Variants in OVCH2 observed in about 807,000 individuals in gnomAD.
OVCH2 encodes ovochymase 2, also known as ovochymase-2.
A neutral mutation model predicts 73.7 loss-of-function variants in OVCH2; 88 were observed. The observed-to-expected ratio is 1.19, with a 90% CI of 1.01 to 1.43. OVCH2 has a LOEUF of 1.43. Ranked by LOEUF, OVCH2 falls within the 40% of genes most tolerant of loss-of-function variation. The pLI, the probability that OVCH2 is intolerant of heterozygous loss-of-function variation, is 0.00. For missense variants in OVCH2, 706 were observed against 674.5 expected, an observed-to-expected ratio of 1.05 and a Z score of -0.52; for synonymous variants, 265 against 234.5, an observed-to-expected ratio of 1.13 and a Z score of -1.19.
intron 4 of OVCH2, 73 bp downstream of exon 4, chr11:7,702,084 A>C: frequency 8.9e-6 from 12 of 1,346,416 alleles, no homozygotes; most frequent in Non-Finnish European, 1.2e-5. Context: ...CGTATACTGC[A>C]GGAAATGTGC....
At chr11:7,704,434 C>A in intron 2 of OVCH2, 131 bp downstream of exon 2, 1 of 588,674 alleles carries the variant, frequency 1.7e-6, no homozygotes, top group South Asian at 2.5e-5. Flanking sequence ...TCATCACATG[C>A]CATGATGACT....
At chr11:7,690,804 G>C (rs2136150116) in intron 14 of OVCH2, among the ~76,000 whole-genome samples, 1 of 151,540 alleles carries the variant, frequency 6.6e-6, no homozygotes, top group East Asian at 1.9e-4. Context: ...CTTTTTATTG[G>C]TGACCTCAAC....
Position 7,701,482 on chromosome 11 carries a change from AAC to A in OVCH2, c.560-9_560-8del. On this transcript the variant is annotated splice_polypyrimidine_tract_variant and splice_region_variant and intron_variant, in intron 5 of 15. Transcript: ENST00000533663. Reference sequence around the variant, plus strand: ...ACTTGTGAGAGGACGCCACCTGAAAAACAGAGAGATGGAAGCCCCAGCAGGAA... The same window carrying A: ...ACTTGTGAGAGGACGCCACCTGAAAAAGAGAGATGGAAGCCCCAGCAGGAA... 3.1e-6 allele frequency: 5 copies of A among 1,608,358 alleles called. No individual in the cohort carries two copies. The highest frequency in any genetic ancestry group is 4.2e-6 in the Non-Finnish European group (5 of 1,177,830).
In OVCH2 at chr11:7,700,436, G is replaced by A. The variant is rs765298685; in HGVS notation, c.761C>T (p.Thr254Ile). 4 of 1,611,838 alleles carry A rather than the reference G, an allele frequency of 2.5e-6. No individual in the cohort carries two copies. The Admixed American group carries it at 6.7e-5, about 27-fold the overall frequency. The change falls in exon 7 of 16, where the codon ACT becomes ATT. Residue 254 changes from threonine to isoleucine, a missense_variant. By Grantham distance (89) the Thr-to-Ile change is moderately conservative. Coordinates refer to ENST00000533663, the MANE Select transcript of OVCH2 (RefSeq NM_198185.7). ...LMCRNKKGAW[T>I]LAGVTSWGLG... Reference sequence around the variant, plus strand: ...ACCCCAGGAAGTCACACCAGCCAGAGTCCAGGCCCCTTTCTTATTCCGGCA... The same window carrying A: ...ACCCCAGGAAGTCACACCAGCCAGAATCCAGGCCCCTTTCTTATTCCGGCA...
At position 7,691,317 on chromosome 11, in the gene OVCH2, C is replaced by T. The variant is rs1160884908; in HGVS notation, c.1591G>A (p.Gly531Arg). 28 of 1,613,692 alleles carry T rather than the reference C, an allele frequency of 1.7e-5. No homozygotes were observed. Among genetic ancestry groups the T allele is most frequent in the Admixed American group, 6.7e-5 (4 of 59,976 alleles). Reference protein sequence around the residue: ...MLISFQSDENGTCRGFQATVS... With the variant: ...MLISFQSDENRTCRGFQATVS... ...GTAGCCTGAAAGCCCCTGCAGGTCC[C>T]GTTTTCATCTGATTGGAAGCTGATG... The change falls in exon 14 of 16, where the codon GGG becomes AGG. Residue 531 changes from glycine to arginine, a missense_variant. Transcript: ENST00000533663.
downstream of OVCH2, among the ~76,000 whole-genome samples, chr11:7,685,486 A>G (rs1470556352): frequency 6.6e-6 from 1 of 150,862 alleles, no homozygotes; most frequent in African/African-American, 2.5e-5. Flanking sequence ...ACCTTGCATA[A>G]TGAGTTTCTT....
In OVCH2 at chr11:7,691,250, G is replaced by C. The variant is rs1301441498; in HGVS notation, c.1639+19C>G. ...GATTAGAACTGGGAACCAAAGAGTTGGTAACTCTATCTTCTTACCTGCTTT... is the reference window on the plus strand; with the variant it reads ...GATTAGAACTGGGAACCAAAGAGTTCGTAACTCTATCTTCTTACCTGCTTT... On this transcript the variant is annotated intron_variant, in intron 14 of 15. Coordinates refer to ENST00000533663, the MANE Select transcript of OVCH2 (RefSeq NM_198185.7). The C allele has an allele frequency of 6.3e-7, 1 of 1,589,010 alleles. No homozygotes were observed.
chr11:7,689,478 G>T lies in OVCH2; in HGVS notation c.*156C>A. 1 of 352,958 alleles carries T rather than the reference G, an allele frequency of 2.8e-6. No individual in the cohort carries two copies. The highest frequency in any genetic ancestry group is 2.2e-5 in the South Asian group (1 of 44,994). 21.9% of individuals were successfully genotyped at this position (352,958 alleles called of 1,614,324 possible). On this transcript the variant is annotated 3_prime_UTR_variant, in exon 16 of 16. Coordinates refer to ENST00000533663, the MANE Select transcript of OVCH2 (RefSeq NM_198185.7). ...AAATTTATTGTCTCATAGTTCTGGA[G>T]GCTAGAAGTCCAAGATCAACGTGTC...
chr11:7,687,102 G>A (rs956670579), downstream of OVCH2, among the ~76,000 whole-genome samples: 2 of 151,726 alleles, frequency 1.3e-5, no homozygotes, highest in East Asian at 1.9e-4. Flanking sequence ...CTGTTGTTAA[G>A]TTCATAAAGA....
chr11:7,691,351 G>A lies in OVCH2; in HGVS notation c.1557C>T (p.Ser519=), dbSNP rs1048248867. Residue 519 remains serine, a synonymous_variant, in exon 14 of 16, where the codon AGC becomes AGT. Transcript: ENST00000533663. The stretch of plus-strand genomic sequence containing the variant: ...CTGATTGGAAGCTGATGAGCATGAT[G>A]CTGGAGGGGCTCAGCACAGGGGTGG... ...DVPTPVLSPS[S]IMLISFQSDE... 5 of 1,613,918 alleles carry A rather than the reference G, an allele frequency of 3.1e-6. No individual in the cohort carries two copies. Among genetic ancestry groups the A allele is most frequent in the East Asian group, 2.2e-5 (1 of 44,878 alleles).
At chr11:7,696,856 C>T (rs1317431533) in intron 8 of OVCH2, 57 bp from the exon 9 acceptor site, 42 of 1,499,922 alleles carry the variant, frequency 2.8e-5, no homozygotes, top group Non-Finnish European at 3.4e-5. Flanking sequence ...CACAGCAGCC[C>T]CTCCCTCCAG....
At chr11:7,692,761 T>A (rs917798809) in intron 12 of OVCH2, among the ~76,000 whole-genome samples, 1 of 152,214 alleles carries the variant, frequency 6.6e-6, no homozygotes, top group African/African-American at 2.4e-5. Context: ...TAAGCTATGA[T>A]GAGTAATGAC....
chr11:7,700,365 G>A lies in OVCH2; in HGVS notation c.832C>T (p.Gln278Ter), dbSNP rs751781661. Residue 278 changes from glutamine to a stop codon, truncating the protein, a stop_gained, in exon 7 of 16, where the codon CAA becomes TAA. Coordinates refer to ENST00000533663, the MANE Select transcript of OVCH2 (RefSeq NM_198185.7). LOFTEE classifies it high-confidence loss of function. ...GWRNNVRKSD[Q>*]GSPGIFTDIS... ...TCTGTGAAGATCCCAGGGGATCCTT[G>A]ATCACTTTTCCTCACATTGTTTCTC... The A allele has an allele frequency of 6.2e-7, 1 of 1,613,714 alleles. No individual in the cohort carries two copies.
chr11:7,702,460 A>C, intron 3 of OVCH2, 131 bp from the exon 4 acceptor site: 2 of 730,554 alleles, frequency 2.7e-6, no homozygotes, highest in South Asian at 4.2e-5. Flanking sequence ...GAGCAGAGAA[A>C]GTGAGAATAA....
At chr11:7,700,601 A>G in intron 6 of OVCH2, 116 bp from the exon 7 acceptor site, 1 of 1,169,204 alleles carries the variant, frequency 8.6e-7, no homozygotes, top group Non-Finnish European at 1.2e-6. Context: ...CACTTCTAAT[A>G]ATTTAGACTC....
At chr11:7,701,581 G>C (rs1184365893) in intron 5 of OVCH2, 106 bp from the exon 6 acceptor site, 6 of 1,482,442 alleles carry the variant, frequency 4.0e-6, no homozygotes, top group Non-Finnish European at 5.5e-6. Context: ...GAATTTCTAA[G>C]TACAATGTGA....
intron 3 of OVCH2, 53 bp from the exon 4 acceptor site, chr11:7,702,382 G>T: frequency 1.5e-6 from 2 of 1,367,238 alleles, no homozygotes; most frequent in Non-Finnish European, 2.0e-6. Flanking sequence ...TCTGAGTACA[G>T]TTGCAATGGT....
At chr11:7,695,435 T>C (rs891366646) in intron 11 of OVCH2, 135 bp downstream of exon 11, 23 of 980,558 alleles carry the variant, frequency 2.3e-5, no homozygotes, top group Non-Finnish European at 3.4e-5. Context: ...TGTTCTCTAG[T>C]TGGCCTGTGC....
intron 5 of OVCH2, 66 bp downstream of exon 5, chr11:7,701,650 C>A: frequency 6.6e-7 from 1 of 1,515,524 alleles, no homozygotes; most frequent in Admixed American, 1.9e-5. Context: ...TTAAAAATTC[C>A]ATTTTCTGAT....
Sources: allele counts gnomAD v4.1 joint callset (sites outside exome capture counted in the v4.1 genomes callset), GRCh38; gene constraint gnomAD v4.1.1; transcripts MANE v1.5; gene names NCBI Gene and HGNC (gene_info 2026-07-23, HGNC 2026-07-21).